Variants in POLR3H observed in about 807,000 individuals in gnomAD.
POLR3H encodes the protein DNA-directed RNA polymerase III subunit RPC8.
POLR3H carries 17 observed loss-of-function variants against 25.5 expected under a neutral mutation model. The ratio of observed to expected loss-of-function variants is 0.67; its 90% CI spans 0.46 to 1.00. POLR3H has a LOEUF of 1.00. Ranked by LOEUF, POLR3H falls within the 50% of genes least tolerant of loss-of-function variation. POLR3H has a pLI of 0.00. For missense variants in POLR3H, 274 were observed against 265.0 expected (o/e 1.03, Z -0.24); for synonymous variants, 129 against 103.0 (o/e 1.25, Z -1.53).
chr22:41,530,987 G>A, intron 4 of POLR3H, 99 bp from the exon 5 acceptor site: 1 of 1,154,366 alleles, frequency 8.7e-7, no homozygotes, highest in Non-Finnish European at 1.3e-6. Context: ...CTCAGGGTGA[G>A]ATCACTGTGG....
intron 2 of POLR3H, chr22:41,540,286 G>C (rs986417390): frequency 2.9e-6 from 1 of 341,644 alleles, no homozygotes; most frequent in Non-Finnish European, 5.7e-6. Context: ...AAAGGGCACA[G>C]ACACAGAGCT....
intron 2 of POLR3H, among the ~76,000 whole-genome samples, chr22:41,537,415 G>A (rs1001144862): frequency 6.6e-6 from 1 of 152,182 alleles, no homozygotes; most frequent in Non-Finnish European, 1.5e-5. Context: ...GAGCCCTTCA[G>A]CACTGGCTCA....
intron 2 of POLR3H, among the ~76,000 whole-genome samples, chr22:41,537,896 T>C (rs1293800902): frequency 6.6e-6 from 1 of 151,974 alleles, no homozygotes; most frequent in Admixed American, 6.6e-5. Context: ...GTTCAAGCGA[T>C]TCTCCTGCCT....
rs1281165389 is a variant in POLR3H at position 41,533,760 on chromosome 22, G to A, written c.209-1015C>T. ...GGGCCTTGTGCTGACCTCCCAGAGAGCAGATGAGGGCGGCCAAGGGCCACT... is the reference window on the plus strand; with the variant it reads ...GGGCCTTGTGCTGACCTCCCAGAGAACAGATGAGGGCGGCCAAGGGCCACT... On this transcript the variant is annotated intron_variant, in intron 2 of 5. Coordinates refer to ENST00000355209, the MANE Select transcript of POLR3H (RefSeq NM_001018050.4). 3.3e-5 allele frequency: 42 copies of A among 1,275,284 alleles called. No homozygotes were observed. The Middle Eastern group carries it at 2.1e-3, about 65-fold the overall frequency. The allele number at this position is 1,275,284 out of a possible 1,614,324, so 79.0% of individuals were successfully genotyped here. A position where few individuals can be genotyped will look rare whatever the true frequency, so the allele number is the denominator to read the frequency against.
intron 1 of POLR3H, among the ~76,000 whole-genome samples, chr22:41,542,484 T>C (rs2066944858): frequency 1.3e-5 from 2 of 152,148 alleles, no homozygotes. Context: ...ATCCTCTGGT[T>C]GGCTCCACTT....
intron 2 of POLR3H, among the ~76,000 whole-genome samples, chr22:41,534,981 T>A (rs965258389): frequency 1.3e-5 from 2 of 151,998 alleles, no homozygotes; most frequent in African/African-American, 2.4e-5. Flanking sequence ...GGGGGCCCTC[T>A]CCTGCCCTGC....
Position 41,528,348 on chromosome 22 carries a change from A to T in POLR3H, c.*935T>A. On this transcript the variant is annotated 3_prime_UTR_variant, in exon 6 of 6. Coordinates refer to ENST00000355209, the MANE Select transcript of POLR3H (RefSeq NM_001018050.4). ...GTCTGACCTGGGCCATCAGGCACAG[A>T]CTGGCCTAGGATTTGGTTTGCCTGC... The T allele has an allele frequency of 2.3e-6, 3 of 1,324,730 alleles. No individual in the cohort carries two copies. Among genetic ancestry groups the T allele is most frequent in the Non-Finnish European group, 3.1e-6 (3 of 980,540 alleles). 82.1% of individuals were successfully genotyped at this position (1,324,730 alleles called of 1,614,324 possible). A position where few individuals can be genotyped will look rare whatever the true frequency, so the allele number is the denominator to read the frequency against.
Position 41,529,246 on chromosome 22 carries a change from C to A in POLR3H, c.*37G>T. The A allele has an allele frequency of 6.3e-7, 1 of 1,587,842 alleles. No individual in the cohort carries two copies. Among genetic ancestry groups the A allele is most frequent in the South Asian group, 1.1e-5 (1 of 89,928 alleles). On this transcript the variant is annotated 3_prime_UTR_variant, in exon 6 of 6. Transcript: ENST00000355209. ...TCTTCACAGCCGGCCATACCACCTT[C>A]CCGCAGGCTGGTAGGGTCCACTGTC...
Position 41,525,976 on chromosome 22 carries a change from T to C in POLR3H, c.*3307A>G. The C allele has an allele frequency of 2.8e-6, 1 of 358,124 alleles. No individual in the cohort carries two copies. The highest frequency in any genetic ancestry group is 5.7e-5 in the South Asian group (1 of 17,670). 22.2% of individuals were successfully genotyped at this position (358,124 alleles called of 1,614,324 possible). On this transcript the variant is annotated 3_prime_UTR_variant, in exon 6 of 6. Coordinates refer to ENST00000355209, the MANE Select transcript of POLR3H (RefSeq NM_001018050.4). Reference sequence around the variant, plus strand: ...TGTGGCTGATCTTGCAGCTGAGGCCTGAAGGGTGAGCGAACATTGACCTGT... The same window carrying C: ...TGTGGCTGATCTTGCAGCTGAGGCCCGAAGGGTGAGCGAACATTGACCTGT...
rs150607397 is a variant in POLR3H, at chr22:41,526,372, T to A, written c.*2911A>T. 2.5e-6 allele frequency: 4 copies of A among 1,613,770 alleles called. No homozygotes were observed. In the African/African-American group the frequency reaches 4.0e-5, roughly 16 times the overall value. On this transcript the variant is annotated 3_prime_UTR_variant, in exon 6 of 6. Transcript: ENST00000355209. The stretch of plus-strand genomic sequence containing the variant: ...ACCTGCTCATTGGTGCCATCAACAT[T>A]GAAAACGGCAAGGCCAACTCCGTGC...
intron 5 of POLR3H, chr22:41,529,583 G>A: frequency 1.4e-6 from 1 of 700,454 alleles, no homozygotes; most frequent in Non-Finnish European, 2.6e-6. Context: ...CTCACCCTTA[G>A]GCCTGCCCTC....
At position 41,527,428 on chromosome 22, in the gene POLR3H, G is replaced by A. The variant is rs775887000; in HGVS notation, c.*1855C>T. 6.2e-6 allele frequency: 10 copies of A among 1,606,884 alleles called. No individual in the cohort carries two copies. Among genetic ancestry groups the A allele is most frequent in the Non-Finnish European group, 7.6e-6 (9 of 1,177,256 alleles). ...GCTTTGCCAGGATCCACGGTGAGCTGGAGTCTGTACCCAGGCCATCCTCAT... is the reference window on the plus strand; with the variant it reads ...GCTTTGCCAGGATCCACGGTGAGCTAGAGTCTGTACCCAGGCCATCCTCAT... On this transcript the variant is annotated 3_prime_UTR_variant, in exon 6 of 6. Transcript: ENST00000355209.
Position 41,526,452 on chromosome 22 carries a change from A to G in POLR3H, c.*2831T>C. On this transcript the variant is annotated 3_prime_UTR_variant, in exon 6 of 6. Transcript: ENST00000355209. The stretch of plus-strand genomic sequence containing the variant: ...GTCCCTGACACTGCCCGCTACTACA[A>G]GGTGGGTCAGAGTTGATAGGGGCAA... 6.2e-7 allele frequency: 1 copy of G among 1,610,972 alleles called. No individual in the cohort carries two copies. Among genetic ancestry groups the G allele is most frequent in the South Asian group, 1.1e-5 (1 of 90,878 alleles).
chr22:41,536,220 G>A (rs1266929412), intron 2 of POLR3H, among the ~76,000 whole-genome samples: 7 of 151,066 alleles, frequency 4.6e-5, no homozygotes, highest in South Asian at 2.1e-4. Context: ...ATGAAACCCC[G>A]TCTCAACTAA....
intron 1 of POLR3H, 62 bp downstream of exon 1, chr22:41,543,929 G>C (rs1479023110): frequency 1.6e-6 from 2 of 1,222,270 alleles, no homozygotes; most frequent in East Asian, 4.7e-5. Context: ...CCGGGCCTGC[G>C]GCCAGTGGGC....
Position 41,526,543 on chromosome 22 carries a change from C to T in POLR3H, c.*2740G>A. On this transcript the variant is annotated 3_prime_UTR_variant, in exon 6 of 6. Transcript: ENST00000355209. ...AGGGAGGACATTAGGGGAGTGGAAA[C>T]TGGGAAGGAGGCCGACCAAGCCCAA... 1 of 1,447,476 alleles carries T rather than the reference C, an allele frequency of 6.9e-7. No homozygotes were observed. Among genetic ancestry groups the T allele is most frequent in the Non-Finnish European group, 9.3e-7 (1 of 1,076,092 alleles). The allele number at this position is 1,447,476 out of a possible 1,614,324, so 89.7% of individuals were successfully genotyped here. A position where few individuals can be genotyped will look rare whatever the true frequency, so the allele number is the denominator to read the frequency against.
Position 41,530,782 on chromosome 22 carries a change from T to A in POLR3H, c.466A>T (p.Ser156Cys). 1 of 1,614,058 alleles carries A rather than the reference T, an allele frequency of 6.2e-7. No homozygotes were observed. The highest frequency in any genetic ancestry group is 8.5e-7 in the Non-Finnish European group (1 of 1,180,030). ...EEIRFRVVDE[S>C]FVDTSPTGPS... ...CCTGTGGGGGACGTGTCAACAAAGC[T>A]CTCGTCCACCACCCGGAAGCGGATC... The change falls in exon 5 of 6, where the codon AGC (serine) becomes TGC (cysteine). Residue 156 changes from serine to cysteine, a missense_variant. Ser to Cys is a moderately radical substitution (Grantham distance 112). Transcript: ENST00000355209.
chr22:41,532,290 G>A (rs1162421736), intron 3 of POLR3H, 133 bp from the exon 4 acceptor site: 5 of 879,128 alleles, frequency 5.7e-6, no homozygotes, highest in African/African-American at 1.7e-5. Flanking sequence ...GGAAACCTAG[G>A]CCCCTTCCCC....
In POLR3H at chr22:41,528,505, C is replaced by T; in HGVS notation, c.*778G>A. The T allele has an allele frequency of 6.2e-7, 1 of 1,612,532 alleles. No individual in the cohort carries two copies. The highest frequency in any genetic ancestry group is 8.5e-7 in the Non-Finnish European group (1 of 1,180,030). The stretch of plus-strand genomic sequence containing the variant: ...CCCTGAAGTGCATCATCAAGCACCC[C>T]AACGGGACCCAGGAGACCATCCTCC... On this transcript the variant is annotated 3_prime_UTR_variant, in exon 6 of 6. Coordinates refer to ENST00000355209, the MANE Select transcript of POLR3H (RefSeq NM_001018050.4).
Sources: gnomAD v4.1 joint callset for allele counts (sites outside exome capture counted in the v4.1 genomes callset) on GRCh38, gnomAD v4.1.1 for gene constraint, MANE v1.5 for transcripts, NCBI Gene and HGNC (gene_info 2026-07-23, HGNC 2026-07-21) for gene names.